Variants in TMPRSS15 observed in about 807,000 individuals in gnomAD.
TMPRSS15 encodes transmembrane serine protease 15, also known as enteropeptidase.
Under a neutral mutation model 125.3 loss-of-function variants are expected in TMPRSS15, and 128 were observed. The ratio of observed to expected loss-of-function variants is 1.02; its 90% confidence interval spans 0.89 to 1.18. The LOEUF (loss-of-function observed/expected upper bound fraction) is 1.18, where lower values mean the gene tolerates loss of function less well. TMPRSS15 is among the 50% of genes most tolerant of loss of function. The pLI is 0.00. For synonymous variants in TMPRSS15, 446 were observed against 423.2 expected (o/e 1.05, Z -0.66); for missense variants, 1,283 against 1,212.7 (o/e 1.06, Z -0.86).
chr21:18,453,012 A>G lies in TMPRSS15; in HGVS notation c.10+32787T>C, dbSNP rs201944417. 5.9e-5 allele frequency among the ~76,000 whole-genome samples: 9 copies of G among 152,316 alleles called. No individual in the cohort carries two copies. The East Asian group carries it at 1.5e-3, about 26-fold the overall frequency. On this transcript the variant is annotated intron_variant, in intron 1 of 7. Transcript: ENST00000422787. ...AAGTGCACAATACTGCATTTTAACT[A>G]TAAGGACTGTTATACAGCATATTTC...
Position 18,419,688 on chromosome 21 carries a change from C to T in TMPRSS15, c.11-21359G>A, listed in dbSNP as rs1273144740. On this transcript the variant is annotated intron_variant, in intron 1 of 7. Transcript: ENST00000422787. ...ACGTTTTATTTGACTTTGACACCAGCCTGGTAGAAAAGTATCCTTCTCTGC... is the reference window on the plus strand; with the variant it reads ...ACGTTTTATTTGACTTTGACACCAGTCTGGTAGAAAAGTATCCTTCTCTGC... Among the ~76,000 whole-genome samples the T allele has an allele frequency of 2.0e-5, 3 of 152,128 alleles. No individual in the cohort carries two copies. In the East Asian group the frequency reaches 5.8e-4, roughly 29 times the overall value.
chr21:18,317,404 TA>T (rs2146945571), intron 16 of TMPRSS15, among the ~76,000 whole-genome samples: 1 of 139,952 alleles, frequency 7.1e-6, no homozygotes, highest in South Asian at 2.4e-4. Flanking sequence ...AGTATTTTTC[TA>T]AAAAATATAT....
intron 1 of TMPRSS15, among the ~76,000 whole-genome samples, chr21:18,409,817 C>G (rs867950425): frequency 7.4e-5 from 10 of 135,688 alleles, no homozygotes; most frequent in African/African-American, 2.5e-4. Context: ...AATCTCCCCC[C>G]CTTCCCCCCT....
At chr21:18,401,878 A>C (rs1239833287) in intron 1 of TMPRSS15, among the ~76,000 whole-genome samples, 1 of 152,338 alleles carries the variant, frequency 6.6e-6, no homozygotes, top group East Asian at 1.9e-4. Context: ...TTTCACTTGT[A>C]AAATAACTAA....
intron 21 of TMPRSS15, among the ~76,000 whole-genome samples, chr21:18,282,782 G>A (rs2074716951): frequency 6.6e-6 from 1 of 152,140 alleles, no homozygotes; most frequent in Non-Finnish European, 1.5e-5. Flanking sequence ...TAAATGGTAG[G>A]AGGTGACTTT....
intron 1 of TMPRSS15, among the ~76,000 whole-genome samples, chr21:18,435,367 T>G (rs2076225554): frequency 6.6e-6 from 1 of 152,218 alleles, no homozygotes; most frequent in Non-Finnish European, 1.5e-5. Flanking sequence ...TCAAAGGCCT[T>G]TTCTGCATCT....
At chr21:18,441,586 G>T (rs1247003720) in intron 1 of TMPRSS15, among the ~76,000 whole-genome samples, 6 of 126,502 alleles carry the variant, frequency 4.7e-5, no homozygotes, top group African/African-American at 1.9e-4. Flanking sequence ...CAGCCTGGGT[G>T]ACAGAGCAAG....
intron 5 of TMPRSS15, 84 bp from the exon 6 acceptor site, chr21:18,372,408 G>C (rs940573156): frequency 4.1e-6 from 5 of 1,229,074 alleles, no homozygotes; most frequent in African/African-American, 3.0e-5. Flanking sequence ...TGCCACTGGG[G>C]TTCTTACTTA....
chr21:18,462,056 G>T (rs1978561037), intron 1 of TMPRSS15, among the ~76,000 whole-genome samples: 1 of 152,080 alleles, frequency 6.6e-6, no homozygotes, highest in Non-Finnish European at 1.5e-5. Context: ...TAATGTGATT[G>T]TAAATTTTCA....
intron 1 of TMPRSS15, among the ~76,000 whole-genome samples, chr21:18,436,928 C>T (rs1174444053): frequency 1.9e-5 from 2 of 104,290 alleles, no homozygotes; most frequent in African/African-American, 7.5e-5. Context: ...CAATGCCATC[C>T]CCATCAAGCT....
chr21:18,350,659 C>T (rs1394491814), intron 10 of TMPRSS15, among the ~76,000 whole-genome samples: 1 of 152,048 alleles, frequency 6.6e-6, no homozygotes, highest in Non-Finnish European at 1.5e-5. Context: ...TTTGTAACAG[C>T]ATCTTAGCCC....
chr21:18,375,640 A>G (rs1276337027), intron 5 of TMPRSS15, among the ~76,000 whole-genome samples: 1 of 152,204 alleles, frequency 6.6e-6, no homozygotes, highest in Non-Finnish European at 1.5e-5. Context: ...TCTATGTGGT[A>G]TTTTACCTTC....
intron 16 of TMPRSS15, among the ~76,000 whole-genome samples, chr21:18,325,714 CA>C (rs1302702861): frequency 6.6e-6 from 1 of 151,884 alleles, no homozygotes; most frequent in Non-Finnish European, 1.5e-5. Flanking sequence ...TTCTATGAGA[CA>C]ATTCATAGTC....
chr21:18,449,401 T>C (rs1420924369), intron 1 of TMPRSS15, among the ~76,000 whole-genome samples: 1 of 152,110 alleles, frequency 6.6e-6, no homozygotes, highest in African/African-American at 2.4e-5. Flanking sequence ...TCAGAACCAC[T>C]AGTGTGTGTT....
chr21:18,290,248 G>T (rs893404847), intron 21 of TMPRSS15, among the ~76,000 whole-genome samples: 7 of 152,114 alleles, frequency 4.6e-5, no homozygotes, highest in African/African-American at 1.7e-4. Flanking sequence ...ATATAATAGA[G>T]CTTTGTTCAC....
At chr21:18,300,087 G>A (rs1398581359) in intron 18 of TMPRSS15, among the ~76,000 whole-genome samples, 1 of 146,396 alleles carries the variant, frequency 6.8e-6, no homozygotes, top group Non-Finnish European at 1.5e-5. Context: ...TTAGAGAGGT[G>A]GATTTTAGAC....
chr21:18,283,550 AAATT>A (rs1018848380), intron 21 of TMPRSS15, among the ~76,000 whole-genome samples: 3 of 151,728 alleles, frequency 2.0e-5, no homozygotes, highest in African/African-American at 7.3e-5. Context: ...GTATGTATAT[AAATT>A]ATCTATATAA....
At chr21:18,405,373 A>G (rs79480345), upstream of TMPRSS15, among the ~76,000 whole-genome samples, 138 of 152,310 alleles carry the variant, frequency 9.1e-4, no homozygotes, top group South Asian at 4.1e-3. Context: ...TTTTTTAAAG[A>G]AGGCAATAAT....
At chr21:18,288,612 C>T (rs2074795354) in intron 21 of TMPRSS15, among the ~76,000 whole-genome samples, 1 of 135,776 alleles carries the variant, frequency 7.4e-6, no homozygotes, top group Non-Finnish European at 1.5e-5. Context: ...GCGATCTCGG[C>T]TCACCACAAC....
Sources: allele counts gnomAD v4.1 joint callset (sites outside exome capture counted in the v4.1 genomes callset), GRCh38; gene constraint gnomAD v4.1.1; transcripts MANE v1.5; gene names NCBI Gene and HGNC (gene_info 2026-07-23, HGNC 2026-07-21).